The following XPO6 variants were observed in gnomAD, a reference collection of about 807,000 sequenced individuals.
XPO6 encodes the protein exportin-6.
A neutral mutation model predicts 130.0 loss-of-function variants in XPO6; 3 were observed. The ratio of observed to expected loss-of-function variants is 0.02; its 90% CI spans 0.01 to 0.06. The LOEUF is 0.06. Among genes scored for constraint, XPO6 ranks in the 10% least tolerant of loss-of-function variants. XPO6 has a pLI of 1.00. For missense variants in XPO6, 970 were observed against 1,393.0 expected, an observed-to-expected ratio of 0.70 and a Z score of 4.83; for synonymous variants, 524 against 548.9, an observed-to-expected ratio of 0.95 and a Z score of 0.63.
chr16:28,165,215 T>A (rs2043338301), intron 6 of XPO6: 2 of 152,080 alleles, frequency 1.3e-5, no homozygotes, highest in Admixed American at 1.3e-4. Context: ...AGACCTTGTC[T>A]CGAAAAAAAG....
At chr16:28,208,334 A>G (rs2044066546) in intron 1 of XPO6, among the ~76,000 whole-genome samples, 1 of 152,238 alleles carries the variant, frequency 6.6e-6, no homozygotes, top group Admixed American at 6.5e-5. Context: ...ATGTTAAGTC[A>G]GCAAGAAATG....
At chr16:28,150,253 G>C (rs1012840871) in intron 8 of XPO6, among the ~76,000 whole-genome samples, 1 of 152,302 alleles carries the variant, frequency 6.6e-6, no homozygotes, top group Non-Finnish European at 1.5e-5. Context: ...AGAGCAGAAA[G>C]GAGCTCATCT....
chr16:28,188,754 C>T (rs2043736869), intron 1 of XPO6, among the ~76,000 whole-genome samples: 1 of 141,114 alleles, frequency 7.1e-6, no homozygotes. Context: ...AGATGAAATA[C>T]TAAGCTTAAA....
rs1347878162 is a variant in XPO6, at chr16:28,106,098, A to G, written c.2729T>C (p.Phe910Ser). Residue 910 changes from phenylalanine to serine, a missense_variant, in exon 20 of 24, where the codon TTC becomes TCC. Transcript: ENST00000304658. The surrounding 1 kb of genome is among the most constrained non-coding windows in gnomAD (Gnocchi z 4.2). The stretch of plus-strand genomic sequence containing the variant: ...GCACAGGGCGATGATGCTGGGGAGG[A>G]AGGGCTTGAACACCTGGCCTGGCTC... ...VQEPGQVFKPFLPSIIALCME... is the reference protein window; with the variant it reads ...VQEPGQVFKPSLPSIIALCME... 6.2e-7 allele frequency: 1 copy of G among 1,614,142 alleles called. No individual in the cohort carries two copies. The highest frequency in any genetic ancestry group is 8.5e-7 in the Non-Finnish European group (1 of 1,180,024).
chr16:28,102,183 T>C (rs1449063073), intron 21 of XPO6, among the ~76,000 whole-genome samples: 1 of 152,054 alleles, frequency 6.6e-6, no homozygotes, highest in East Asian at 1.9e-4. Flanking sequence ...TAGAAACCCA[T>C]CACAGGACCT....
intron 1 of XPO6, among the ~76,000 whole-genome samples, chr16:28,197,681 C>T (rs2043886835): frequency 1.3e-5 from 2 of 151,862 alleles, no homozygotes; most frequent in Admixed American, 1.3e-4. Context: ...CTTTGCGAGG[C>T]CCGGGCAGGC....
chr16:28,168,953 A>T (rs1042238127), intron 5 of XPO6, among the ~76,000 whole-genome samples: 1 of 152,122 alleles, frequency 6.6e-6, no homozygotes, highest in African/African-American at 2.4e-5. Flanking sequence ...AGCCAACTTT[A>T]AGTGCCCACC....
intron 12 of XPO6, among the ~76,000 whole-genome samples, chr16:28,131,585 AT>A (rs2042670380): frequency 6.6e-6 from 1 of 152,238 alleles, no homozygotes; most frequent in South Asian, 2.1e-4. Context: ...ACATTTTGTC[AT>A]TCCCTATTAT....
At chr16:28,126,389 G>A (rs2087411760) in intron 12 of XPO6, among the ~76,000 whole-genome samples, 1 of 152,170 alleles carries the variant, frequency 6.6e-6, no homozygotes, top group South Asian at 2.1e-4. Flanking sequence ...TGAAGGCTGG[G>A]AGGTGACACA....
chr16:28,109,544 C>G (rs904672276), intron 17 of XPO6, among the ~76,000 whole-genome samples: 2 of 152,034 alleles, frequency 1.3e-5, no homozygotes, highest in African/African-American at 4.8e-5. Context: ...AGAGGAAATG[C>G]GAACACGAAC....
intron 7 of XPO6, chr16:28,153,158 G>A (rs2043123825): frequency 9.9e-7 from 1 of 1,012,994 alleles, no homozygotes; most frequent in African/African-American, 1.7e-5. Context: ...TTTCTTTCCG[G>A]GAGGCCAAAA....
Position 28,112,966 on chromosome 16 carries a change from G to A in XPO6, c.2089C>T (p.Pro697Ser), listed in dbSNP as rs1380091899. 2 of 1,614,072 alleles carry A rather than the reference G, an allele frequency of 1.2e-6. No individual in the cohort carries two copies. Among genetic ancestry groups the A allele is most frequent in the African/African-American group, 2.7e-5 (2 of 74,934 alleles). Residue 697 changes from proline to serine, a missense_variant, in exon 16 of 24, where the codon CCT becomes TCT. Pro to Ser is a moderately conservative substitution (Grantham distance 74, BLOSUM62 -1). Around this residue, in one of 4 missense-constraint regions of XPO6, gnomAD observed 936 missense variants for 1,306.8 expected, o/e 0.72. Transcript: ENST00000304658. ...TVRPVFLISIPAVQKVFNRIT... is the reference protein window; with the variant it reads ...TVRPVFLISISAVQKVFNRIT... Reference sequence around the variant, plus strand: ...CTGTTGAATACTTTCTGCACTGCAGGGATGCTGATCAGAAAGACGGGCCGC... The same window carrying A: ...CTGTTGAATACTTTCTGCACTGCAGAGATGCTGATCAGAAAGACGGGCCGC...
chr16:28,193,871 A>T (rs1034387625), intron 1 of XPO6, among the ~76,000 whole-genome samples: 1 of 152,166 alleles, frequency 6.6e-6, no homozygotes, highest in African/African-American at 2.4e-5. Context: ...ACCAGCCCAA[A>T]GCCAAGACTG....
chr16:28,133,229 C>T (rs758361106), intron 11 of XPO6, among the ~76,000 whole-genome samples: 7 of 151,942 alleles, frequency 4.6e-5, no homozygotes, highest in Non-Finnish European at 7.4e-5. Flanking sequence ...CCCACTTACT[C>T]GGGAGGCTGA....
Position 28,133,826 on chromosome 16 carries a change from C to G in XPO6, c.1536+15G>C, listed in dbSNP as rs375037135. ...GAAATCGCTACACTCTCCACTCCCCCGGACAGCACATTACCAGTGTGGAGA... is the reference window on the plus strand; with the variant it reads ...GAAATCGCTACACTCTCCACTCCCCGGGACAGCACATTACCAGTGTGGAGA... On this transcript the variant is annotated intron_variant, in intron 11 of 23. Coordinates refer to ENST00000304658, the MANE Select transcript of XPO6 (RefSeq NM_015171.4). The G allele has an allele frequency of 5.2e-3, 8,371 of 1,613,614 alleles. 38 individuals are homozygous for G. Among genetic ancestry groups the G allele is most frequent in the South Asian group, 6.0e-3 (550 of 91,010 alleles).
In XPO6 at chr16:28,201,599, G is replaced by A. The variant is rs28654425; in HGVS notation, c.3+9767C>T. Among the ~76,000 whole-genome samples, 300 of 152,328 alleles carry A rather than the reference G, an allele frequency of 2.0e-3. 2 individuals are homozygous for A. Among genetic ancestry groups the A allele is most frequent in the African/African-American group, 6.5e-3 (269 of 41,578 alleles). On this transcript the variant is annotated intron_variant, in intron 1 of 23. Coordinates refer to ENST00000304658, the MANE Select transcript of XPO6 (RefSeq NM_015171.4). Reference sequence around the variant, plus strand: ...TGGCCGGGCGTGGTGGCTCATGCCTGTAATCCCAGCAATTGGGGAGGCTGA... The same window carrying A: ...TGGCCGGGCGTGGTGGCTCATGCCTATAATCCCAGCAATTGGGGAGGCTGA...
At chr16:28,112,500 C>T (rs1028606374) in intron 16 of XPO6, among the ~76,000 whole-genome samples, 6 of 152,212 alleles carry the variant, frequency 3.9e-5, no homozygotes, top group African/African-American at 1.4e-4. Context: ...CTAGCTTGAG[C>T]CTCCTTTGAG....
At chr16:28,134,126 GA>G (rs1348968050) in intron 10 of XPO6, among the ~76,000 whole-genome samples, 193 bp from the exon 11 acceptor site, 2 of 152,206 alleles carry the variant, frequency 1.3e-5, no homozygotes, top group African/African-American at 4.8e-5. Context: ...TACTTCCTCA[GA>G]AAGTAAATGA....
intron 12 of XPO6, among the ~76,000 whole-genome samples, chr16:28,130,469 G>C (rs1435204262): frequency 6.6e-6 from 1 of 152,204 alleles, no homozygotes; most frequent in East Asian, 1.9e-4. Flanking sequence ...TGGGAACCAG[G>C]GGAAAAAATG....
Sources: gnomAD v4.1 joint callset for allele counts (sites outside exome capture counted in the v4.1 genomes callset) on GRCh38, gnomAD v4.1.1 for gene constraint, gnomAD v4.1.1 regional missense constraint, Gnocchi (gnomAD v3.1) non-coding constraint, MANE v1.5 for transcripts, NCBI Gene and HGNC (gene_info 2026-07-23, HGNC 2026-07-21) for gene names.